RPA1: variants seen among roughly 807,000 people sequenced by gnomAD.
The protein encoded by RPA1 is replication protein A 70 kDa DNA-binding subunit.
Under a neutral mutation model 83.0 loss-of-function variants are expected in RPA1, and 49 were observed. That is an observed-to-expected ratio of 0.59 (90% CI 0.47 to 0.75). RPA1 has a LOEUF of 0.75. RPA1 is among the 30% of genes least tolerant of loss of function. RPA1 has a pLI of 0.00. For missense variants in RPA1, 693 were observed against 776.1 expected (o/e 0.89, Z 1.27); for synonymous variants, 279 against 281.8 (o/e 0.99, Z 0.10).
chr17:1,870,056 C>G (rs1307310458), intron 5 of RPA1, among the ~76,000 whole-genome samples: 1 of 152,124 alleles, frequency 6.6e-6, no homozygotes, highest in African/African-American at 2.4e-5. Flanking sequence ...ATAAAAGCCT[C>G]GGTTCAAGCA....
intron 16 of RPA1, among the ~76,000 whole-genome samples, chr17:1,895,661 AT>A (rs59890073): frequency 0.083 from 2,293 of 27,660 alleles, 53 homozygotes; most frequent in African/African-American, 0.16. Context: ...ACCATATAGT[AT>A]TTATTTATTT....
chr17:1,872,435 A>G lies in RPA1; in HGVS notation c.363A>G (p.Gly121=), dbSNP rs780107298. The change falls in exon 6 of 17, where the codon GGA becomes GGG. Residue 121 remains glycine, a splice_region_variant and synonymous_variant. Coordinates refer to ENST00000254719, the MANE Select transcript of RPA1 (RefSeq NM_002945.5). ...CGGGGTTTCCCTTTTGATCTTCAGG[A>G]CTCGGGCAGCCGCAAGTAGCTCCTC... ...KIGNPVPYNE[G]LGQPQVAPPA... 6.2e-7 allele frequency: 1 copy of G among 1,613,732 alleles called. No individual in the cohort carries two copies. The highest frequency in any genetic ancestry group is 1.3e-5 in the African/African-American group (1 of 75,026).
intron 4 of RPA1, among the ~76,000 whole-genome samples, chr17:1,846,604 G>A (rs1340152317): frequency 2.6e-5 from 4 of 152,180 alleles, no homozygotes; most frequent in Admixed American, 1.3e-4. Context: ...ACAGGCGTGA[G>A]CCACCGTGGC....
At chr17:1,850,714 G>A (rs949081560) in intron 4 of RPA1, among the ~76,000 whole-genome samples, 2 of 151,940 alleles carry the variant, frequency 1.3e-5, no homozygotes, top group African/African-American at 4.8e-5. Context: ...TGGCCAACAT[G>A]GTGAAACCCT....
intron 4 of RPA1, among the ~76,000 whole-genome samples, chr17:1,845,924 C>T (rs543697877): frequency 1.6e-4 from 24 of 152,114 alleles, no homozygotes; most frequent in African/African-American, 5.5e-4. Context: ...GAGAGTAAGA[C>T]CCTGTCTCAA....
At chr17:1,848,791 C>G (rs1325434772) in intron 4 of RPA1, among the ~76,000 whole-genome samples, 1 of 151,962 alleles carries the variant, frequency 6.6e-6, no homozygotes, top group East Asian at 2.0e-4. Flanking sequence ...GCCTTAAACT[C>G]CTGACCTTGT....
At chr17:1,862,194 A>ATTTTTT (rs57509401) in intron 5 of RPA1, among the ~76,000 whole-genome samples, 3 of 93,160 alleles carry the variant, frequency 3.2e-5, no homozygotes, top group Admixed American at 1.4e-4. Flanking sequence ...CCCCAACCGT[A>ATTTTTT]TTTTTTTTTT....
At chr17:1,842,563 C>T (rs1038493985) in intron 1 of RPA1, among the ~76,000 whole-genome samples, 3 of 152,080 alleles carry the variant, frequency 2.0e-5, no homozygotes, top group African/African-American at 7.2e-5. Context: ...TTAAGAATAA[C>T]GAGTACATAT....
At chr17:1,832,675 C>T (rs1911666304) in intron 1 of RPA1, among the ~76,000 whole-genome samples, 1 of 152,170 alleles carries the variant, frequency 6.6e-6, no homozygotes. Context: ...GCGTGAGCCA[C>T]CGCGCACGAC....
chr17:1,865,705 A>G (rs182926168), intron 5 of RPA1, among the ~76,000 whole-genome samples: 1 of 152,242 alleles, frequency 6.6e-6, no homozygotes, highest in East Asian at 1.9e-4. Context: ...ATGTAACCAA[A>G]TACAAATATA....
intron 6 of RPA1, among the ~76,000 whole-genome samples, chr17:1,873,074 C>T (rs1470911660): frequency 6.6e-6 from 1 of 152,176 alleles, no homozygotes; most frequent in Non-Finnish European, 1.5e-5. Flanking sequence ...TTCTTCGTTT[C>T]CCACATCATC....
At chr17:1,838,709 G>A (rs1274872362) in intron 1 of RPA1, among the ~76,000 whole-genome samples, 1 of 151,954 alleles carries the variant, frequency 6.6e-6, no homozygotes, top group Non-Finnish European at 1.5e-5. Context: ...TTGCCTTGTG[G>A]TCTGTAATGC....
intron 1 of RPA1, among the ~76,000 whole-genome samples, 183 bp downstream of exon 1, chr17:1,830,309 C>G (rs1911491633): frequency 6.6e-6 from 1 of 152,218 alleles, no homozygotes; most frequent in Non-Finnish European, 1.5e-5. Context: ...TCAAAGCATT[C>G]TTTCGATCGT....
At chr17:1,872,675 G>C in intron 6 of RPA1, 149 bp downstream of exon 6, 1 of 938,886 alleles carries the variant, frequency 1.1e-6, no homozygotes. Context: ...TCATATTTTA[G>C]AGTATGTGAT....
At chr17:1,894,211 T>G (rs376146268) in intron 15 of RPA1, among the ~76,000 whole-genome samples, 7 of 151,748 alleles carry the variant, frequency 4.6e-5, no homozygotes, top group East Asian at 1.9e-4. Flanking sequence ...CCATAGCCCA[T>G]GCTGGAGTGC....
intron 1 of RPA1, among the ~76,000 whole-genome samples, chr17:1,838,960 C>T (rs1471422249): frequency 1.3e-5 from 2 of 152,100 alleles, no homozygotes; most frequent in African/African-American, 2.4e-5. Context: ...ACAGCATTCT[C>T]CTGCCTCAGC....
chr17:1,862,139 G>A (rs911578725), intron 5 of RPA1, among the ~76,000 whole-genome samples: 59 of 149,196 alleles, frequency 4.0e-4, no homozygotes, highest in Non-Finnish European at 5.5e-4. Flanking sequence ...TGATCTGCCC[G>A]CCTCAGCCTC....
intron 5 of RPA1, among the ~76,000 whole-genome samples, chr17:1,854,548 T>A (rs987778057): frequency 2.6e-5 from 4 of 151,878 alleles, no homozygotes; most frequent in African/African-American, 9.7e-5. Flanking sequence ...AATAATTTTT[T>A]AAAAACTTAG....
At chr17:1,848,010 CA>C (rs34885352) in intron 4 of RPA1, among the ~76,000 whole-genome samples, 55 of 58,376 alleles carry the variant, frequency 9.4e-4, no homozygotes, top group Non-Finnish European at 2.1e-3. Flanking sequence ...ACCCCATCTC[CA>C]AAAAAAAAAA....
Sources: gnomAD v4.1 joint callset for allele counts (sites outside exome capture counted in the v4.1 genomes callset) on GRCh38, gnomAD v4.1.1 for gene constraint, MANE v1.5 for transcripts, NCBI Gene and HGNC (gene_info 2026-07-23, HGNC 2026-07-21) for gene names.